The following CCZ1B variants were observed in gnomAD, a reference collection of about 807,000 sequenced individuals.
CCZ1B encodes the protein CCZ1B vacuolar protein trafficking and biogenesis associated, also known as vacuolar fusion protein CCZ1 homolog B.
Under a neutral mutation model 58.8 loss-of-function variants are expected in CCZ1B, and 25 were observed. The observed-to-expected ratio is 0.43, with a 90% CI of 0.31 to 0.59. The LOEUF (loss-of-function observed/expected upper bound fraction) is 0.59, where lower values mean the gene tolerates loss of function less well. Ranked by LOEUF, CCZ1B falls within the 20% of genes least tolerant of loss-of-function variation. CCZ1B has a pLI of 0.12. For missense variants in CCZ1B, 180 were observed against 501.5 expected (o/e 0.36, Z 6.12); for synonymous variants, 66 against 173.2 (o/e 0.38, Z 4.86).
chr7:6,810,946 G>T (rs116223942), intron 10 of CCZ1B, among the ~76,000 whole-genome samples: 1 of 150,418 alleles, frequency 6.6e-6, no homozygotes, highest in African/African-American at 2.5e-5. Flanking sequence ...CTGTCTGGAA[G>T]AAAGAAATGC....
chr7:6,803,721 T>C (rs1168843109), intron 12 of CCZ1B, among the ~76,000 whole-genome samples: 1 of 148,414 alleles, frequency 6.7e-6, no homozygotes, highest in Non-Finnish European at 1.5e-5. Flanking sequence ...CCCAGCACTT[T>C]GGGAGGCCGA....
At chr7:6,818,695 CAAGA>C (rs1191794870) in intron 7 of CCZ1B, among the ~76,000 whole-genome samples, 17 of 59,478 alleles carry the variant, frequency 2.9e-4, no homozygotes, top group South Asian at 8.9e-4. Flanking sequence ...GAAAGAAAGA[CAAGA>C]AAGAAAGAAA....
chr7:6,824,837 T>C, intron 1 of CCZ1B, 100 bp from the exon 2 acceptor site: 3 of 1,418,464 alleles, frequency 2.1e-6, no homozygotes, highest in Non-Finnish European at 2.8e-6. Context: ...TCACACATGC[T>C]AATGACAAAA....
intron 7 of CCZ1B, 109 bp downstream of exon 7, chr7:6,819,657 C>T (rs1395017911): frequency 6.3e-6 from 4 of 633,732 alleles, no homozygotes; most frequent in Non-Finnish European, 1.1e-5. Flanking sequence ...GCTTCCTACC[C>T]ATCCTCCCCG....
intron 4 of CCZ1B, among the ~76,000 whole-genome samples, 178 bp from the exon 5 acceptor site, chr7:6,823,538 A>G (rs1238354954): frequency 3.5e-5 from 2 of 56,888 alleles, no homozygotes; most frequent in Non-Finnish European, 5.8e-5. Context: ...TTTTTTTTTG[A>G]GATGGAGTCT....
At chr7:6,812,714 G>A (rs2115117254) in intron 9 of CCZ1B, among the ~76,000 whole-genome samples, 1 of 151,974 alleles carries the variant, frequency 6.6e-6, no homozygotes, top group Non-Finnish European at 1.5e-5. Flanking sequence ...CTTGAAGTCA[G>A]GAGTTCAAGA....
intron 4 of CCZ1B, among the ~76,000 whole-genome samples, chr7:6,823,605 G>C (rs1380671822): frequency 1.5e-5 from 2 of 129,712 alleles, no homozygotes; most frequent in East Asian, 4.7e-4. Context: ...TGCAACATTT[G>C]CGTCCCCGGT....
rs1406988398 is a variant in CCZ1B at position 6,801,116 on chromosome 7, A to T, written c.1266-41T>A. On this transcript the variant is annotated intron_variant, in intron 13 of 14. Coordinates refer to ENST00000316731, the MANE Select transcript of CCZ1B (RefSeq NM_198097.5). ...CAAAATGCAATTGTTCGTTACTCAT[A>T]CGGCCAGACTGTGAGAATAAGCGTT... 3 of 1,343,868 alleles carry T rather than the reference A, an allele frequency of 2.2e-6. 1 individual carries two copies. The allele number at this position is 1,343,868 out of a possible 1,614,324, so 83.2% of individuals were successfully genotyped here.
chr7:6,814,881 G>A (rs58851147), intron 7 of CCZ1B, 36 bp from the exon 8 acceptor site: 388,360 of 1,461,534 alleles, frequency 0.27, 65,395 homozygotes, highest in South Asian at 0.43. Context: ...TAAACGTTTC[G>A]AACTGTCTTC....
At chr7:6,805,174 C>G in intron 11 of CCZ1B, 119 bp from the exon 12 acceptor site, 2 of 574,000 alleles carry the variant, frequency 3.5e-6, no homozygotes, top group Non-Finnish European at 5.0e-6. Flanking sequence ...CTCAGGCCCC[C>G]TTCTGCTCCT....
In CCZ1B at chr7:6,821,156, G is replaced by A. The variant is rs184856902; in HGVS notation, c.522+1125C>T. On this transcript the variant is annotated intron_variant, in intron 6 of 14. Coordinates refer to ENST00000316731, the MANE Select transcript of CCZ1B (RefSeq NM_198097.5). ...CCAGAATAGCTGGGATTACAGGCGTGCGCCACCACGCCCAGCTAGTTTTTT... is the reference window on the plus strand; with the variant it reads ...CCAGAATAGCTGGGATTACAGGCGTACGCCACCACGCCCAGCTAGTTTTTT... Among the ~76,000 whole-genome samples the A allele has an allele frequency of 2.5e-4, 37 of 149,254 alleles. No homozygotes were observed. The East Asian group carries it at 7.0e-3, about 28-fold the overall frequency.
chr7:6,815,520 G>C (rs1295191355), intron 7 of CCZ1B, among the ~76,000 whole-genome samples: 1 of 148,914 alleles, frequency 6.7e-6, no homozygotes, highest in Non-Finnish European at 1.5e-5. Flanking sequence ...CTGGATTACA[G>C]TGGTGTGACC....
chr7:6,815,654 G>A (rs555563003), intron 7 of CCZ1B, among the ~76,000 whole-genome samples: 3 of 148,976 alleles, frequency 2.0e-5, no homozygotes, highest in African/African-American at 5.1e-5. Flanking sequence ...ACCTGACCGC[G>A]AAGTTAAGGA....
intron 7 of CCZ1B, among the ~76,000 whole-genome samples, chr7:6,815,550 G>A (rs1289095489): frequency 6.7e-6 from 1 of 148,840 alleles, no homozygotes; most frequent in East Asian, 1.9e-4. Context: ...TGCAGCCACC[G>A]ATTCCCAGGC....
chr7:6,800,753 C>G (rs1782754771), intron 14 of CCZ1B, among the ~76,000 whole-genome samples, 195 bp downstream of exon 14: 1 of 137,636 alleles, frequency 7.3e-6, no homozygotes, highest in Non-Finnish European at 1.5e-5. Context: ...CTGCCATTGC[C>G]AAGTTTCCTG....
intron 11 of CCZ1B, 59 bp downstream of exon 11, chr7:6,805,940 TAAGAA>T (rs1782829457): frequency 6.8e-7 from 1 of 1,465,222 alleles, no homozygotes; most frequent in Non-Finnish European, 9.4e-7. Flanking sequence ...ATTTATCACT[TAAGAA>T]TAGGATGCAG....
chr7:6,821,881 C>T (rs932889249), intron 6 of CCZ1B, among the ~76,000 whole-genome samples: 3 of 149,830 alleles, frequency 2.0e-5, no homozygotes, highest in Non-Finnish European at 4.4e-5. Context: ...AGACAGTTTA[C>T]GCCCGTTTAG....
chr7:6,822,662 T>C (rs1216553697), intron 5 of CCZ1B, among the ~76,000 whole-genome samples: 4 of 148,020 alleles, frequency 2.7e-5, no homozygotes, highest in Non-Finnish European at 5.9e-5. Flanking sequence ...GTTTTTTTAT[T>C]TTTCAGTGTT....
chr7:6,815,574 C>T (rs2115120234), intron 7 of CCZ1B, among the ~76,000 whole-genome samples: 1 of 149,166 alleles, frequency 6.7e-6, no homozygotes, highest in South Asian at 2.1e-4. Context: ...AGCAAACCTC[C>T]CACCTCAGCC....
Sources: gnomAD v4.1 joint callset for allele counts (sites outside exome capture counted in the v4.1 genomes callset) on GRCh38, gnomAD v4.1.1 for gene constraint, MANE v1.5 for transcripts, NCBI Gene and HGNC (gene_info 2026-07-23, HGNC 2026-07-21) for gene names.